Variants in LEKR1 observed in about 807,000 individuals in gnomAD.
LEKR1 encodes the protein protein LEKR1.
A neutral mutation model predicts 72.4 loss-of-function variants in LEKR1; 59 were observed. That is an observed-to-expected ratio of 0.82 (90% CI 0.66 to 1.01). LEKR1 has a LOEUF of 1.01. Ranked by LOEUF, LEKR1 falls within the 50% of genes least tolerant of loss-of-function variation. LEKR1 has a pLI of 0.00. For missense variants in LEKR1, 728 were observed against 759.2 expected (o/e 0.96, Z 0.48); for synonymous variants, 257 against 263.2 (o/e 0.98, Z 0.23).
chr3:156,891,053 T>C (rs1288815350), intron 3 of LEKR1, among the ~76,000 whole-genome samples: 16 of 149,190 alleles, frequency 1.1e-4, no homozygotes, highest in Non-Finnish European at 1.8e-4. Context: ...GTATTTTTAG[T>C]AGAGATGGGG....
chr3:157,036,027 G>A (rs2108043381), intron 12 of LEKR1, among the ~76,000 whole-genome samples: 1 of 152,298 alleles, frequency 6.6e-6, no homozygotes, highest in East Asian at 1.9e-4. Flanking sequence ...CAAGCACACT[G>A]AGCTTAAGGT....
intron 3 of LEKR1, among the ~76,000 whole-genome samples, chr3:156,897,179 A>G (rs1250950488): frequency 6.6e-6 from 1 of 152,198 alleles, no homozygotes; most frequent in Non-Finnish European, 1.5e-5. Flanking sequence ...AAACCTGTAT[A>G]TGTAACTTAA....
chr3:157,024,871 C>A lies in LEKR1; in HGVS notation c.1315C>A (p.His439Asn). 6.2e-7 allele frequency: 1 copy of A among 1,607,734 alleles called. No homozygotes were observed. Among genetic ancestry groups the A allele is most frequent in the Non-Finnish European group, 8.5e-7 (1 of 1,175,360 alleles). ...KLQLDIEKEK[H>N]QDVIQKYKKE... ...GCAACTTGATATTGAAAAAGAAAAA[C>A]ACCAAGATGTAATCCAAAAGTATAA... Residue 439 changes from histidine (H) to asparagine (N), a missense_variant, in exon 11 of 13, where the codon CAC becomes AAC. By Grantham distance (68) the His-to-Asn change is moderately conservative (BLOSUM62 1). Transcript: ENST00000356539.
At chr3:156,863,282 C>T (rs1368008714) in intron 3 of LEKR1, among the ~76,000 whole-genome samples, 1 of 151,902 alleles carries the variant, frequency 6.6e-6, no homozygotes, top group Non-Finnish European at 1.5e-5. Context: ...AATAGGTGGC[C>T]ACCCCGTCTA....
chr3:156,842,350 T>C (rs1560017585), intron 2 of LEKR1, among the ~76,000 whole-genome samples: 1 of 149,036 alleles, frequency 6.7e-6, no homozygotes, highest in Non-Finnish European at 1.5e-5. Context: ...TTTCAAAGGC[T>C]TTTTTTTTTC....
chr3:157,024,945 T>G (rs774521612), intron 11 of LEKR1, 21 bp downstream of exon 11: 2 of 1,506,092 alleles, frequency 1.3e-6, no homozygotes, highest in Admixed American at 3.9e-5. Flanking sequence ...ATGATGTTCA[T>G]CATTATTTAA....
rs191449352 is a variant in LEKR1 at position 157,035,756 on chromosome 3, T to C, written c.1668+7354T>C. 3.1e-3 allele frequency among the ~76,000 whole-genome samples: 478 copies of C among 152,116 alleles called. 2 individuals carry two copies. The highest frequency in any genetic ancestry group is 0.021 in the South Asian group (102 of 4,820). ...TCTACTGAAAATACAAAAATTAGCC[T>C]GTCGTGGTGCTGCACATCTGTAATC... On this transcript the variant is annotated intron_variant, in intron 12 of 12. Coordinates refer to ENST00000356539, the MANE Select transcript of LEKR1 (RefSeq NM_001004316.3).
At chr3:156,976,029 G>A (rs1006514081) in intron 6 of LEKR1, among the ~76,000 whole-genome samples, 2 of 152,084 alleles carry the variant, frequency 1.3e-5, no homozygotes, top group Non-Finnish European at 1.5e-5. Context: ...GTTTTGTGCA[G>A]GTGGCTTAAT....
chr3:157,037,083 C>A (rs144960229), intron 12 of LEKR1, among the ~76,000 whole-genome samples: 8 of 152,082 alleles, frequency 5.3e-5, no homozygotes, highest in African/African-American at 9.7e-5. Flanking sequence ...GGAGGAGGAG[C>A]AGCATCTGTT....
intron 3 of LEKR1, among the ~76,000 whole-genome samples, chr3:156,897,632 G>C (rs1168358836): frequency 1.3e-5 from 2 of 152,166 alleles, no homozygotes; most frequent in African/African-American, 4.8e-5. Context: ...TTGTTAGAAA[G>C]GAAATGTCCA....
At chr3:156,997,267 C>G (rs1352080819) in intron 9 of LEKR1, among the ~76,000 whole-genome samples, 1 of 152,122 alleles carries the variant, frequency 6.6e-6, no homozygotes, top group Non-Finnish European at 1.5e-5. Flanking sequence ...CACAATTGAA[C>G]TTGACTTTCC....
chr3:156,989,764 T>TTC (rs1018099718), intron 7 of LEKR1, among the ~76,000 whole-genome samples: 4 of 151,678 alleles, frequency 2.6e-5, no homozygotes, highest in African/African-American at 7.3e-5. Flanking sequence ...CTCATTTGCT[T>TTC]TCTCTCTCTC....
chr3:156,868,382 A>G lies in LEKR1; in HGVS notation c.263+15400A>G, dbSNP rs574909614. Among the ~76,000 whole-genome samples, 9 of 152,156 alleles carry G rather than the reference A, an allele frequency of 5.9e-5. No individual in the cohort carries two copies. In the East Asian group the frequency reaches 7.7e-4, roughly 13 times the overall value. On this transcript the variant is annotated intron_variant, in intron 3 of 12. Transcript: ENST00000356539. ...CTGTATTGAGTTTTGTCACCTATAT[A>G]TGATTACTCCCGGGCTTTGTCACTG...
chr3:157,014,732 C>T (rs555830405), intron 10 of LEKR1, among the ~76,000 whole-genome samples: 13 of 152,106 alleles, frequency 8.5e-5, no homozygotes, highest in Middle Eastern at 3.4e-3. Flanking sequence ...GAGTGGCCTG[C>T]GGAGATCATC....
intron 7 of LEKR1, among the ~76,000 whole-genome samples, chr3:156,980,290 C>A (rs1282777630): frequency 6.6e-6 from 1 of 152,092 alleles, no homozygotes; most frequent in Admixed American, 6.6e-5. Flanking sequence ...AAATACTGAA[C>A]ACAAGAAGGA....
intron 3 of LEKR1, among the ~76,000 whole-genome samples, chr3:156,891,003 G>A (rs1031460885): frequency 4.0e-4 from 61 of 151,442 alleles, no homozygotes; most frequent in Middle Eastern, 3.4e-3. Flanking sequence ...GGGATTACAG[G>A]TGTGCACCAC....
At chr3:156,891,106 A>G (rs1296530856) in intron 3 of LEKR1, among the ~76,000 whole-genome samples, 4 of 151,218 alleles carry the variant, frequency 2.6e-5, no homozygotes, top group African/African-American at 9.7e-5. Context: ...TCCTGACCTC[A>G]GGTGATCTGC....
intron 2 of LEKR1, among the ~76,000 whole-genome samples, chr3:156,834,560 T>C (rs1304317124): frequency 1.3e-5 from 2 of 152,196 alleles, no homozygotes; most frequent in Admixed American, 6.5e-5. Flanking sequence ...TCTTAGTCAC[T>C]TTTATTTCTG....
intron 6 of LEKR1, among the ~76,000 whole-genome samples, chr3:156,970,217 A>C (rs1163154991): frequency 6.6e-6 from 1 of 152,242 alleles, no homozygotes; most frequent in Non-Finnish European, 1.5e-5. Context: ...GGCACAAGAC[A>C]GGGATGCCCT....
Sources: gnomAD v4.1 joint callset for allele counts (sites outside exome capture counted in the v4.1 genomes callset) on GRCh38, gnomAD v4.1.1 for gene constraint, MANE v1.5 for transcripts, NCBI Gene and HGNC (gene_info 2026-07-23, HGNC 2026-07-21) for gene names.